ADCK5: variants seen among roughly 807,000 people sequenced by gnomAD.
ADCK5 encodes the protein uncharacterized aarF domain-containing protein kinase 5.
ADCK5 carries 43 observed loss-of-function variants against 64.9 expected under a neutral mutation model. The ratio of observed to expected loss-of-function variants is 0.66; its 90% CI spans 0.52 to 0.85. ADCK5 has a LOEUF of 0.85. ADCK5 is among the 40% of genes least tolerant of loss of function. The probability of loss-of-function intolerance (pLI) is 0.00; values close to 1 mark genes in which losing one functional copy is unlikely to be tolerated. For missense variants in ADCK5, 760 were observed against 810.5 expected (o/e 0.94, Z 0.76); for synonymous variants, 434 against 342.8 (o/e 1.27, Z -2.94).
intron 2 of ADCK5, 96 bp downstream of exon 2, chr8:144,379,586 AC>A (rs1819511753): frequency 1.4e-5 from 15 of 1,036,768 alleles, no homozygotes; most frequent in Non-Finnish European, 2.1e-5. Flanking sequence ...CCAAGGCTGG[AC>A]CTTCTCCTGT....
chr8:144,378,303 C>T (rs1287298663), intron 1 of ADCK5, among the ~76,000 whole-genome samples: 2 of 152,102 alleles, frequency 1.3e-5, no homozygotes, highest in South Asian at 2.1e-4. Flanking sequence ...TCATCTGAGT[C>T]GCGATTCCCA....
intron 3 of ADCK5, among the ~76,000 whole-genome samples, chr8:144,390,042 G>A (rs189801075): frequency 1.0e-3 from 154 of 150,910 alleles, no homozygotes; most frequent in African/African-American, 3.6e-3. Context: ...TGTTGGCCAG[G>A]CTGGTCTTGA....
At chr8:144,374,544 G>C (rs1819286016) in intron 1 of ADCK5, among the ~76,000 whole-genome samples, 1 of 152,170 alleles carries the variant, frequency 6.6e-6, no homozygotes, top group Admixed American at 6.5e-5. Flanking sequence ...GCCCAGCCCG[G>C]AGGCGGGTGC....
Position 144,391,130 on chromosome 8 carries a change from C to G in ADCK5, c.544-4C>G, listed in dbSNP as rs781908027. On this transcript the variant is annotated splice_region_variant and splice_polypyrimidine_tract_variant and intron_variant, in intron 5 of 14. Transcript: ENST00000308860. ...CAGGCTGCTCTGAGCACCTGTCCTT[C>G]CAGGTGGATGAGTTGTTCCTTGAGG... The G allele has an allele frequency of 1.9e-6, 3 of 1,610,554 alleles. No homozygotes were observed. The African/African-American group carries it at 4.0e-5, about 22-fold the overall frequency.
At position 144,375,048 on chromosome 8, in the gene ADCK5, T is replaced by G. The variant is rs578163441; in HGVS notation, c.12+941T>G. Reference sequence around the variant, plus strand: ...CCCGTCTGGCTATAAATAGCACAGATGGACGGCCCACTCGTGCCCCAGCCC... The same window carrying G: ...CCCGTCTGGCTATAAATAGCACAGAGGGACGGCCCACTCGTGCCCCAGCCC... On this transcript the variant is annotated intron_variant, in intron 1 of 14. Transcript: ENST00000308860. Among the ~76,000 whole-genome samples the G allele has an allele frequency of 2.9e-3, 449 of 152,354 alleles. 1 individual carries two copies. The highest frequency in any genetic ancestry group is 5.1e-3 in the Non-Finnish European group (350 of 68,026).
intron 3 of ADCK5, 44 bp downstream of exon 3, chr8:144,383,274 G>T (rs200675832): frequency 2.6e-6 from 4 of 1,515,182 alleles, no homozygotes; most frequent in African/African-American, 1.4e-5. Context: ...CGTGGCGGGC[G>T]GGGTGTGTGC....
At chr8:144,374,023 C>G (rs1554856624), upstream of ADCK5, 4 of 1,239,570 alleles carry the variant, frequency 3.2e-6, no homozygotes, top group Non-Finnish European at 4.1e-6. Context: ...ACTACGCGCC[C>G]TCCCGCAGGG....
Position 144,376,910 on chromosome 8 carries a change from G to A in ADCK5, c.13-2477G>A, listed in dbSNP as rs782344015. Reference sequence around the variant, plus strand: ...ATCAGCACTTGCTGCATGTGACCTCGCCAAGCAGGGGTTTCTGTCAACCCG... The same window carrying A: ...ATCAGCACTTGCTGCATGTGACCTCACCAAGCAGGGGTTTCTGTCAACCCG... On this transcript the variant is annotated intron_variant, in intron 1 of 14. Transcript: ENST00000308860. This position sits in a 1 kb window ranked among gnomAD's most constrained non-coding sequence, Gnocchi z 5.1. Among the ~76,000 whole-genome samples the A allele has an allele frequency of 2.6e-5, 4 of 152,244 alleles. No individual in the cohort carries two copies. The highest frequency in any genetic ancestry group is 5.9e-5 in the Non-Finnish European group (4 of 68,038).
upstream of ADCK5, chr8:144,373,933 G>A (rs782667107): frequency 2.4e-6 from 2 of 817,302 alleles, no homozygotes; most frequent in Non-Finnish European, 3.3e-6. Flanking sequence ...GCCCCGCCGC[G>A]GAGGCCGGCA....
In ADCK5 at chr8:144,392,842, G is replaced by A; in HGVS notation, c.1587G>A (p.Leu529=). The A allele has an allele frequency of 6.3e-7, 1 of 1,593,944 alleles. No individual in the cohort carries two copies. Among genetic ancestry groups the A allele is most frequent in the South Asian group, 1.1e-5 (1 of 89,346 alleles). ...GGGGTGTCTACGGCACCAGCCTCCT[G>A]CGCCACGCCAAGGTCGTCTGGGAGA... The part of the protein sequence containing the change: ...TYRGVYGTSL[L]RHAKVVWEML... Residue 529 remains leucine (L), a synonymous_variant, in exon 14 of 15, where the codon CTG becomes CTA. Coordinates refer to ENST00000308860, the MANE Select transcript of ADCK5 (RefSeq NM_174922.5).
At chr8:144,392,070 A>T in intron 10 of ADCK5, 22 bp from the exon 11 acceptor site, 2 of 1,611,822 alleles carry the variant, frequency 1.2e-6, no homozygotes, top group Non-Finnish European at 1.7e-6. Flanking sequence ...GCGCAGCGCG[A>T]CCTAAGAGGC....
chr8:144,392,417 C>CGG, intron 12 of ADCK5, 28 bp from the exon 13 acceptor site: 5 of 1,325,618 alleles, frequency 3.8e-6, no homozygotes, highest in Non-Finnish European at 4.9e-6. Flanking sequence ...TCAGAGCCCC[C>CGG]TCCCTCCCTC....
chr8:144,388,895 G>A (rs947670009), intron 3 of ADCK5, among the ~76,000 whole-genome samples: 51 of 152,358 alleles, frequency 3.3e-4, no homozygotes, highest in African/African-American at 1.2e-3. Context: ...GAGTCCACCT[G>A]AGCGCCAGAG....
At chr8:144,388,297 C>T (rs2130718941) in intron 3 of ADCK5, among the ~76,000 whole-genome samples, 1 of 148,736 alleles carries the variant, frequency 6.7e-6, no homozygotes, top group African/African-American at 2.5e-5. Context: ...GCGGAGGTTG[C>T]AGTGAGCCTA....
intron 3 of ADCK5, 111 bp downstream of exon 3, chr8:144,383,341 G>T: frequency 7.2e-7 from 1 of 1,386,140 alleles, no homozygotes; most frequent in East Asian, 2.6e-5. Context: ...AGCCTGGGAG[G>T]CCTGCAGAGC....
intron 1 of ADCK5, chr8:144,375,450 C>T (rs1819324265): frequency 3.0e-6 from 3 of 985,198 alleles, no homozygotes; most frequent in Non-Finnish European, 3.6e-6. Context: ...TCTGGTCATC[C>T]GTTCATGGTT....
In ADCK5 at chr8:144,392,837, C is replaced by T; in HGVS notation, c.1582C>T (p.Leu528Phe). 1 of 1,593,336 alleles carries T rather than the reference C, an allele frequency of 6.3e-7. No homozygotes were observed. Among genetic ancestry groups the T allele is most frequent in the Non-Finnish European group, 8.5e-7 (1 of 1,174,038 alleles). The stretch of plus-strand genomic sequence containing the variant: ...GTATCGGGGTGTCTACGGCACCAGC[C>T]TCCTGCGCCACGCCAAGGTCGTCTG... ...ATYRGVYGTS[L>F]LRHAKVVWEM... The change falls in exon 14 of 15, where the codon CTC becomes TTC. Residue 528 changes from leucine (L) to phenylalanine (F), a missense_variant. Physicochemically the swap from Leu to Phe is conservative, Grantham distance 22 (BLOSUM62 0). Transcript: ENST00000308860.
In ADCK5 at chr8:144,383,175, G is replaced by A. The variant is rs782385855; in HGVS notation, c.211G>A (p.Ala71Thr). Reference protein sequence around the residue: ...LLGARYVMAEAREKRRMRLVV... With the variant: ...LLGARYVMAETREKRRMRLVV... ...CGGAGCCCGCTATGTCATGGCAGAGGCACGGGAGAAGAGGAGGATGCGGCT... is the reference window on the plus strand; with the variant it reads ...CGGAGCCCGCTATGTCATGGCAGAGACACGGGAGAAGAGGAGGATGCGGCT... The change falls in exon 3 of 15, where the codon GCA becomes ACA. Residue 71 changes from alanine (A) to threonine (T), a missense_variant. By Grantham distance (58) the Ala-to-Thr change is moderately conservative. Coordinates refer to ENST00000308860, the MANE Select transcript of ADCK5 (RefSeq NM_174922.5). The A allele has an allele frequency of 3.7e-6, 6 of 1,601,136 alleles. No individual in the cohort carries two copies. In the South Asian group the frequency reaches 6.8e-5, roughly 18 times the overall value.
At chr8:144,381,501 C>G (rs587603203) in intron 2 of ADCK5, among the ~76,000 whole-genome samples, 2 of 139,836 alleles carry the variant, frequency 1.4e-5, no homozygotes, top group African/African-American at 5.7e-5. Flanking sequence ...GATGTGTGCT[C>G]AGGCCCCTGC....
Sources: gnomAD v4.1 joint callset for allele counts (sites outside exome capture counted in the v4.1 genomes callset) on GRCh38, gnomAD v4.1.1 for gene constraint, Gnocchi (gnomAD v3.1) non-coding constraint, MANE v1.5 for transcripts, NCBI Gene and HGNC (gene_info 2026-07-23, HGNC 2026-07-21) for gene names.